The following TPRX1 variants were observed in gnomAD, a reference collection of about 807,000 sequenced individuals.
TPRX1 encodes tetrapeptide repeat homeobox 1.
Under a neutral mutation model 8.1 loss-of-function variants are expected in TPRX1, and 2 were observed. That is an observed-to-expected ratio of 0.25 (90% confidence interval 0.10 to 0.78). TPRX1 has a LOEUF of 0.78. Among genes scored for constraint, TPRX1 ranks in the 30% least tolerant of loss-of-function variants. The pLI, the probability that TPRX1 is intolerant of heterozygous loss-of-function variation, is 0.70. For synonymous variants in TPRX1, 257 were observed against 254.1 expected (o/e 1.01, Z -0.11); for missense variants, 517 against 586.9 (o/e 0.88, Z 1.23).
chr19:47,818,702 A>G (rs1471926357), intron 1 of TPRX1, among the ~76,000 whole-genome samples: 4 of 152,214 alleles, frequency 2.6e-5, no homozygotes, highest in Non-Finnish European at 4.4e-5. Flanking sequence ...AGGATCCTCC[A>G]GTATTCCATA....
At chr19:47,811,401 A>C (rs1967781213) in intron 2 of TPRX1, among the ~76,000 whole-genome samples, 1 of 151,660 alleles carries the variant, frequency 6.6e-6, no homozygotes, top group Non-Finnish European at 1.5e-5. Context: ...TGATCGATTG[A>C]TGACAATAGT....
intron 2 of TPRX1, among the ~76,000 whole-genome samples, chr19:47,806,334 C>T (rs559236589): frequency 1.3e-5 from 2 of 152,114 alleles, no homozygotes; most frequent in Non-Finnish European, 2.9e-5. Context: ...GCTTGGTCGA[C>T]ATGGTGAAAA....
In TPRX1 at chr19:47,803,486, TG is replaced by T. The variant is rs1967703567; in HGVS notation, c.321+17del. On this transcript the variant is annotated intron_variant, in intron 3 of 3. Coordinates refer to ENST00000535759, the Ensembl canonical transcript of TPRX1. ...CTTGGGGTGACTGGGGCGGGCAGGG[TG>T]GGGGTGGGGGTCAGACCTGCAGCTG... 1 of 798,928 alleles carries T rather than the reference TG, an allele frequency of 1.3e-6. No individual in the cohort carries two copies. The highest frequency in any genetic ancestry group is 1.6e-6 in the Non-Finnish European group (1 of 634,194). The allele number at this position is 798,928 out of a possible 1,614,324, so 49.5% of individuals were successfully genotyped here.
chr19:47,805,444 G>A (rs545532736), intron 2 of TPRX1, among the ~76,000 whole-genome samples: 26 of 152,162 alleles, frequency 1.7e-4, no homozygotes, highest in African/African-American at 5.8e-4. Context: ...TACAGAGATC[G>A]GATCCCTCAG....
chr19:47,813,140 T>TAAATAAATAAATA (rs746161206), intron 2 of TPRX1, among the ~76,000 whole-genome samples: 55 of 130,786 alleles, frequency 4.2e-4, no homozygotes, highest in Middle Eastern at 4.3e-3. Flanking sequence ...AATAAATAAA[T>TAAATAAATAAATA]AATAATAAAT....
chr19:47,805,860 G>A (rs966413588), intron 2 of TPRX1, among the ~76,000 whole-genome samples: 6 of 152,094 alleles, frequency 3.9e-5, no homozygotes, highest in South Asian at 4.1e-4. Context: ...GCAAGTTCAC[G>A]GCAGCATGAT....
intron 2 of TPRX1, among the ~76,000 whole-genome samples, chr19:47,807,858 T>C (rs1330648124): frequency 2.0e-5 from 3 of 151,224 alleles, no homozygotes; most frequent in African/African-American, 7.4e-5. Flanking sequence ...TGGTAAAATA[T>C]TTTTGGAGGT....
intron 2 of TPRX1, among the ~76,000 whole-genome samples, chr19:47,812,660 A>C (rs1481029593): frequency 1.3e-5 from 2 of 151,908 alleles, no homozygotes; most frequent in African/African-American, 4.8e-5. Context: ...GCTTGAACCC[A>C]GGAGGGGAGA....
chr19:47,816,203 G>C (rs1967838630), intron 2 of TPRX1, among the ~76,000 whole-genome samples: 1 of 151,606 alleles, frequency 6.6e-6, no homozygotes, highest in African/African-American at 2.4e-5. Flanking sequence ...TGAGTAGCTG[G>C]GATTATAGGC....
intron 2 of TPRX1, among the ~76,000 whole-genome samples, chr19:47,816,747 T>C (rs1011228120): frequency 1.3e-5 from 2 of 151,418 alleles, no homozygotes; most frequent in East Asian, 1.9e-4. Context: ...TTAGCCAGGA[T>C]GGTCTCGATC....
intron 1 of TPRX1, among the ~76,000 whole-genome samples, chr19:47,818,813 A>C (rs1353399487): frequency 5.3e-5 from 8 of 152,170 alleles, no homozygotes; most frequent in Non-Finnish European, 1.0e-4. Flanking sequence ...TTACATATGG[A>C]TACATGTGCC....
chr19:47,814,653 G>C lies in TPRX1; in HGVS notation c.151+3815C>G, dbSNP rs138373836. Among the ~76,000 whole-genome samples, 23 of 152,132 alleles carry C rather than the reference G, an allele frequency of 1.5e-4. No homozygotes were observed. In the East Asian group the frequency reaches 4.1e-3, roughly 27 times the overall value. On this transcript the variant is annotated intron_variant, in intron 2 of 3. Coordinates refer to ENST00000535759, the Ensembl canonical transcript of TPRX1. ...ATCAACGACCTCAGAGATGACCTGAGGTTTCCTGAGCTGGGAATGTTTTGG... is the reference window on the plus strand; with the variant it reads ...ATCAACGACCTCAGAGATGACCTGACGTTTCCTGAGCTGGGAATGTTTTGG...
intron 3 of TPRX1, among the ~76,000 whole-genome samples, chr19:47,803,219 G>A (rs937916899): frequency 1.0e-4 from 15 of 143,050 alleles, no homozygotes; most frequent in African/African-American, 4.2e-4. Flanking sequence ...CCAGGTGCCC[G>A]GGGGGCCAGG....
rs970215376 is a variant in TPRX1, at chr19:47,807,759, T to C, written c.152-4086A>G. On this transcript the variant is annotated intron_variant, in intron 2 of 3. Transcript: ENST00000535759. The stretch of plus-strand genomic sequence containing the variant: ...ATAAATTAATGCAAAACTCAGCATA[T>C]TGCCCTGTGGATTGGCCAAGATCAA... Among the ~76,000 whole-genome samples, 7 of 152,202 alleles carry C rather than the reference T, an allele frequency of 4.6e-5. No homozygotes were observed. In the East Asian group the frequency reaches 9.6e-4, roughly 21 times the overall value.
At chr19:47,802,850 G>T (rs1188978523) in exon 4 of TPRX1, 1 of 1,601,412 alleles carries the variant, frequency 6.2e-7, no homozygotes, top group East Asian at 2.2e-5. Context: ...CCGCTGAGGT[G>T]CGGAGGCAGA....
chr19:47,809,115 G>A (rs1206865332), intron 2 of TPRX1, among the ~76,000 whole-genome samples: 1 of 152,028 alleles, frequency 6.6e-6, no homozygotes, highest in Non-Finnish European at 1.5e-5. Context: ...TCTGTAATAG[G>A]AAAAGCTCAA....
At chr19:47,814,896 C>T (rs11878453) in intron 2 of TPRX1, among the ~76,000 whole-genome samples, 68,735 of 150,456 alleles carry the variant, frequency 0.46, 16,414 homozygotes, top group Middle Eastern at 0.6. Context: ...GCCTCCTGGA[C>T]TCAAGCAATT....
chr19:47,817,474 G>GCCACAGCC (rs1967854572), intron 2 of TPRX1, among the ~76,000 whole-genome samples: 1 of 152,160 alleles, frequency 6.6e-6, no homozygotes, highest in Non-Finnish European at 1.5e-5. Flanking sequence ...TAGGATGCTC[G>GCCACAGCC]CCACAGCCCC....
At chr19:47,803,434 C>T (rs959587852) in intron 3 of TPRX1, 70 bp downstream of exon 2, 9 of 656,174 alleles carry the variant, frequency 1.4e-5, no homozygotes, top group East Asian at 1.1e-4. Context: ...GGCCAGGCCC[C>T]GGTGAGTGAC....
Sources: allele counts gnomAD v4.1 joint callset (sites outside exome capture counted in the v4.1 genomes callset), GRCh38; gene constraint gnomAD v4.1.1; transcripts MANE v1.5; gene names NCBI Gene and HGNC (gene_info 2026-07-23, HGNC 2026-07-21).